OSBP: variants seen among roughly 807,000 people sequenced by gnomAD.
OSBP encodes the protein oxysterol-binding protein 1.
Under a neutral mutation model 96.6 loss-of-function variants are expected in OSBP, and 32 were observed. The observed-to-expected ratio is 0.33, with a 90% CI of 0.25 to 0.45. OSBP has a LOEUF of 0.45. OSBP is among the 20% of genes least tolerant of loss of function. The pLI, the probability that OSBP is intolerant of heterozygous loss-of-function variation, is 1.00. For synonymous variants in OSBP, 369 were observed against 389.6 expected (o/e 0.95, Z 0.62); for missense variants, 653 against 1,029.7 (o/e 0.63, Z 5.01).
intron 1 of OSBP, among the ~76,000 whole-genome samples, chr11:59,614,303 T>C (rs766847270): frequency 5.3e-5 from 8 of 152,170 alleles, no homozygotes; most frequent in Non-Finnish European, 1.2e-4. Context: ...ATCAGTAAGA[T>C]GGGAATATTT....
intron 9 of OSBP, among the ~76,000 whole-genome samples, chr11:59,586,588 C>G (rs1387525234): frequency 6.6e-6 from 1 of 152,102 alleles, no homozygotes; most frequent in African/African-American, 2.4e-5. Flanking sequence ...CAAGGGACCA[C>G]AAAATAGCCA....
intron 1 of OSBP, 32 bp from the exon 2 acceptor site, chr11:59,610,621 G>T (rs1391070963): frequency 5.2e-6 from 8 of 1,525,680 alleles, no homozygotes; most frequent in Non-Finnish European, 7.3e-6. Context: ...AATTTAAACA[G>T]AAAGTTGACG....
At chr11:59,580,488 T>G (rs1860407506) in intron 10 of OSBP, among the ~76,000 whole-genome samples, 1 of 152,200 alleles carries the variant, frequency 6.6e-6, no homozygotes, top group African/African-American at 2.4e-5. Context: ...GAATTGTATC[T>G]CACATGTTAG....
In OSBP at chr11:59,578,246, C is replaced by A; in HGVS notation, c.1963G>T (p.Val655Leu). 1 of 1,614,178 alleles carries A rather than the reference C, an allele frequency of 6.2e-7. No homozygotes were observed. The highest frequency in any genetic ancestry group is 1.3e-5 in the African/African-American group (1 of 75,028). ...CCATTTTCCCCAATGACTGGCTGTA[C>A]TTTGAAACATTCCATTTTCTCATCC... ...TWDEKMECFK[V>L]QPVIGENGGD... Residue 655 changes from valine (V) to leucine (L), a missense_variant, in exon 12 of 14, where the codon GTA (valine) becomes TTA (leucine). Physicochemically the swap from Val to Leu is conservative, Grantham distance 32 (BLOSUM62 1). This residue lies in a region of OSBP where 169 missense variants were observed against 251.5 expected (regional missense o/e 0.67). Transcript: ENST00000263847.
chr11:59,599,750 A>T (rs1242029841), intron 7 of OSBP, among the ~76,000 whole-genome samples: 1 of 152,240 alleles, frequency 6.6e-6, no homozygotes, highest in East Asian at 1.9e-4. Flanking sequence ...ACAAAAGTCT[A>T]GGCAGAAAGA....
intron 10 of OSBP, 110 bp downstream of exon 10, chr11:59,581,341 G>GA: frequency 1.9e-6 from 1 of 522,440 alleles, no homozygotes; most frequent in South Asian, 3.5e-5. Context: ...AGAAACTGAT[G>GA]AATCAGTAGC....
chr11:59,602,446 G>A (rs1383717760), intron 3 of OSBP, among the ~76,000 whole-genome samples: 1 of 152,114 alleles, frequency 6.6e-6, no homozygotes, highest in South Asian at 2.1e-4. Flanking sequence ...GAGGTTTAGA[G>A]AAAAAACCCA....
At chr11:59,598,132 C>T (rs191326922) in intron 7 of OSBP, among the ~76,000 whole-genome samples, 47 of 152,346 alleles carry the variant, frequency 3.1e-4, no homozygotes, top group Middle Eastern at 3.4e-3. Flanking sequence ...CAACACTTCT[C>T]TAACAAAAAT....
intron 3 of OSBP, among the ~76,000 whole-genome samples, chr11:59,608,094 T>TA (rs1860804816): frequency 6.6e-6 from 1 of 152,066 alleles, no homozygotes; most frequent in South Asian, 2.1e-4. Flanking sequence ...GATCTTTTAG[T>TA]TCCAACAGAT....
intron 3 of OSBP, among the ~76,000 whole-genome samples, chr11:59,606,513 T>C (rs74649080): frequency 6.7e-6 from 1 of 149,388 alleles, no homozygotes; most frequent in African/African-American, 2.5e-5. Context: ...ACAGAAACAA[T>C]AAACACTAGG....
intron 12 of OSBP, 94 bp downstream of exon 12, chr11:59,578,055 A>C: frequency 2.6e-6 from 3 of 1,156,016 alleles, no homozygotes; most frequent in South Asian, 2.7e-5. Context: ...AATTCCCCAC[A>C]TAATTAAGTG....
intron 9 of OSBP, among the ~76,000 whole-genome samples, chr11:59,582,317 T>G (rs1019448674): frequency 5.3e-5 from 8 of 152,208 alleles, no homozygotes; most frequent in African/African-American, 1.9e-4. Context: ...AAAGAGGATC[T>G]GGATATTGAA....
At chr11:59,605,852 C>T (rs1860774609) in intron 3 of OSBP, among the ~76,000 whole-genome samples, 2 of 152,176 alleles carry the variant, frequency 1.3e-5, no homozygotes, top group Non-Finnish European at 2.9e-5. Context: ...ATTGATGTCA[C>T]AGAGGATGCA....
Position 59,581,434 on chromosome 11 carries a change from TG to T in OSBP, c.1782+16del, listed in dbSNP as rs768126651. The T allele has an allele frequency of 1.4e-6, 2 of 1,434,506 alleles. No individual in the cohort carries two copies. Among genetic ancestry groups the T allele is most frequent in the South Asian group, 2.3e-5 (2 of 85,942 alleles). 88.9% of individuals were successfully genotyped at this position (1,434,506 alleles called of 1,614,324 possible). On this transcript the variant is annotated intron_variant, in intron 10 of 13. Coordinates refer to ENST00000263847, the MANE Select transcript of OSBP (RefSeq NM_002556.3). ...ATTCTTTTAAACTTCACACACACTTTGGGTACCTTTCCTCACCTGATCTATC... is the reference window on the plus strand; with the variant it reads ...ATTCTTTTAAACTTCACACACACTTTGGTACCTTTCCTCACCTGATCTATC...
At position 59,581,513 on chromosome 11, in the gene OSBP, T is replaced by C; in HGVS notation, c.1720A>G (p.Thr574Ala). 1 of 1,612,946 alleles carries C rather than the reference T, an allele frequency of 6.2e-7. No homozygotes were observed. The highest frequency in any genetic ancestry group is 1.7e-4 in the Middle Eastern group (1 of 6,050). The change falls in exon 10 of 14, where the codon ACT (threonine) becomes GCT (alanine). Residue 574 changes from threonine to alanine, a missense_variant. Physicochemically the swap from Thr to Ala is moderately conservative, Grantham distance 58 (BLOSUM62 0). Around this residue, in one of 6 missense-constraint regions of OSBP, gnomAD observed 19 missense variants for 16.1 expected, o/e 1.18. Coordinates refer to ENST00000263847, the MANE Select transcript of OSBP (RefSeq NM_002556.3). ...CIFHATGHHY[T>A]WKKVTTTVHN... is the part of the protein sequence containing the mutation. ...ACAGTTGTGGTAACTTTCTTCCAAG[T>C]GTAGTGGTGCCCAGTTGCATGGAAA...
chr11:59,586,410 G>C (rs1565115502), intron 9 of OSBP, among the ~76,000 whole-genome samples: 2 of 152,118 alleles, frequency 1.3e-5, no homozygotes, highest in Admixed American at 1.3e-4. Context: ...TTAAAGTTAA[G>C]ATAAATAAAT....
intron 7 of OSBP, among the ~76,000 whole-genome samples, chr11:59,598,610 G>C (rs1374303841): frequency 6.6e-6 from 1 of 152,104 alleles, no homozygotes; most frequent in East Asian, 1.9e-4. Flanking sequence ...GGTTTTTTGA[G>C]ACAGAGTCTA....
intron 3 of OSBP, among the ~76,000 whole-genome samples, chr11:59,604,141 C>T (rs1331576037): frequency 6.6e-6 from 1 of 152,158 alleles, no homozygotes; most frequent in Non-Finnish European, 1.5e-5. Context: ...GCCTCATCTT[C>T]CTTTTCCATA....
chr11:59,579,711 C>G (rs1055083005), intron 11 of OSBP, among the ~76,000 whole-genome samples: 1 of 151,204 alleles, frequency 6.6e-6, no homozygotes, highest in Admixed American at 6.6e-5. Flanking sequence ...TGATGACTTT[C>G]TCCTTCACCT....
Sources: allele counts gnomAD v4.1 joint callset (sites outside exome capture counted in the v4.1 genomes callset), GRCh38; gene constraint gnomAD v4.1.1; regional missense constraint gnomAD v4.1.1; transcripts MANE v1.5; gene names NCBI Gene and HGNC (gene_info 2026-07-23, HGNC 2026-07-21).